The following GRTP1 variants were observed in gnomAD, a reference collection of about 807,000 sequenced individuals.
GRTP1 encodes the protein growth hormone-regulated TBC protein 1.
GRTP1 carries 56 observed loss-of-function variants against 38.1 expected under a neutral mutation model. That is an observed-to-expected ratio of 1.47 (90% CI 1.19 to 1.84). The LOEUF is 1.84. Ranked by LOEUF, GRTP1 falls within the 40% of genes most tolerant of loss-of-function variation. The pLI, the probability that GRTP1 is intolerant of heterozygous loss-of-function variation, is 0.00. For missense variants in GRTP1, 506 were observed against 453.9 expected (o/e 1.11, Z -1.04); for synonymous variants, 217 against 189.5 (o/e 1.14, Z -1.19).
chr13:113,356,466 C>T (rs1357978915), intron 2 of GRTP1, among the ~76,000 whole-genome samples: 1 of 152,088 alleles, frequency 6.6e-6, no homozygotes, highest in Non-Finnish European at 1.5e-5. Context: ...CAGGATTTCA[C>T]CATGTTGGCC....
Position 113,349,181 on chromosome 13 carries a change from T to A in GRTP1, c.465+1668A>T, listed in dbSNP as rs2043218934. On this transcript the variant is annotated intron_variant, in intron 4 of 7. Transcript: ENST00000375431. This position sits in a 1 kb window ranked among gnomAD's most constrained non-coding sequence, Gnocchi z 5.0. ...AGGGCCACCCAGGTGGGTGGTGTTT[T>A]TTTTTGTTTGTTTCTCGGTTTTTTT... 6.6e-6 allele frequency among the ~76,000 whole-genome samples: 1 copy of A among 151,192 alleles called. No homozygotes were observed. Among genetic ancestry groups the A allele is most frequent in the Non-Finnish European group, 1.5e-5 (1 of 67,720 alleles).
At chr13:113,333,842 T>TATTTA (rs1566418666) in intron 5 of GRTP1, among the ~76,000 whole-genome samples, 262 of 67,386 alleles carry the variant, frequency 3.9e-3, no homozygotes, top group African/African-American at 0.014. Flanking sequence ...TTATTTAGTG[T>TATTTA]GTGTGTGTGT....
chr13:113,332,159 C>A (rs998396574), intron 5 of GRTP1, among the ~76,000 whole-genome samples: 18 of 152,094 alleles, frequency 1.2e-4, no homozygotes, highest in African/African-American at 4.3e-4. Context: ...ACCCCCACAT[C>A]CCCATCAGAT....
At position 113,350,942 on chromosome 13, in the gene GRTP1, C is replaced by T; in HGVS notation, c.372G>A (p.Lys124=). 6.2e-7 allele frequency: 1 copy of T among 1,613,818 alleles called. No homozygotes were observed. Among genetic ancestry groups the T allele is most frequent in the Non-Finnish European group, 8.5e-7 (1 of 1,179,718 alleles). The change falls in exon 4 of 8, where the codon AAG becomes AAA. Residue 124 remains lysine, a synonymous_variant. Coordinates refer to ENST00000375431, the MANE Select transcript of GRTP1 (RefSeq NM_024719.4). The part of the protein sequence containing the change: ...DLNRTFPDNV[K]FRKTTDPCLQ... ...AGCAGGGGTCCGTGGTCTTCCGGAACTTCACGTTGTCGGGGAAGGTCCGGT... is the reference window on the plus strand; with the variant it reads ...AGCAGGGGTCCGTGGTCTTCCGGAATTTCACGTTGTCGGGGAAGGTCCGGT...
At chr13:113,353,493 A>G (rs1156566630) in intron 3 of GRTP1, among the ~76,000 whole-genome samples, 1 of 152,264 alleles carries the variant, frequency 6.6e-6, no homozygotes, top group Admixed American at 6.5e-5. Flanking sequence ...GGCGAGGGAA[A>G]GGACCCCAGC....
At chr13:113,325,534 C>T in intron 7 of GRTP1, 127 bp downstream of exon 7, 1 of 1,552,268 alleles carries the variant, frequency 6.4e-7, no homozygotes, top group Admixed American at 2.0e-5. Flanking sequence ...GAGCTGGAGG[C>T]TCATCCTGTG....
Position 113,326,017 on chromosome 13 carries a change from G to T in GRTP1, c.637C>A (p.Pro213Thr). ...CGCTCCATCAGGGCCCCCACAGCCG[G>T]CAGCTTCGCCCGCACCAGCTCCCCG... ...VLGELVRAKL[P>T]AVGALMERLG... Residue 213 changes from proline to threonine, a missense_variant, in exon 6 of 8, where the codon CCG (proline) becomes ACG (threonine). Pro to Thr is a conservative substitution (Grantham distance 38, BLOSUM62 -1). Transcript: ENST00000375431. The T allele has an allele frequency of 6.2e-7, 1 of 1,613,580 alleles. No individual in the cohort carries two copies. Among genetic ancestry groups the T allele is most frequent in the Non-Finnish European group, 8.5e-7 (1 of 1,179,942 alleles).
In GRTP1 at chr13:113,346,249, T is replaced by A. The variant is rs528489888; in HGVS notation, c.466-1290A>T. ...GAGAACAGACCCGGGAGGACCTCTG[T>A]GGCCGAGAGCAGATCCGGGAGGACC... On this transcript the variant is annotated intron_variant, in intron 4 of 7. Transcript: ENST00000375431. 8.2e-3 allele frequency among the ~76,000 whole-genome samples: 777 copies of A among 95,282 alleles called. 85 individuals carry two copies. Among genetic ancestry groups the A allele is most frequent in the Non-Finnish European group, 0.012 (540 of 44,392 alleles). The allele number at this position is 95,282 out of a possible 152,430, so 62.5% of individuals were successfully genotyped here.
At chr13:113,328,295 C>T (rs1390536112) in intron 5 of GRTP1, among the ~76,000 whole-genome samples, 2 of 152,222 alleles carry the variant, frequency 1.3e-5, no homozygotes, top group Admixed American at 6.5e-5. Context: ...CTCTGACACT[C>T]CCCTGCACAC....
Position 113,324,513 on chromosome 13 carries a change from C to G in GRTP1, c.986G>C (p.Arg329Thr), listed in dbSNP as rs913054933. 1 of 1,611,478 alleles carries G rather than the reference C, an allele frequency of 6.2e-7. No individual in the cohort carries two copies. Among genetic ancestry groups the G allele is most frequent in the Non-Finnish European group, 8.5e-7 (1 of 1,179,096 alleles). ...TCACCCCTGTGCCAGCAGCCGGGCCCTGCAGCTCTCGCGGAGCTTGGCGAC... is the reference window on the plus strand; with the variant it reads ...TCACCCCTGTGCCAGCAGCCGGGCCGTGCAGCTCTCGCGGAGCTTGGCGAC... ...ATVAKLRESC[R>T]ARLLAQG The change falls in exon 8 of 8, where the codon AGG becomes ACG. Residue 329 changes from arginine to threonine, a missense_variant. Physicochemically the swap from Arg to Thr is moderately conservative, Grantham distance 71. Coordinates refer to ENST00000375431, the MANE Select transcript of GRTP1 (RefSeq NM_024719.4).
intron 5 of GRTP1, among the ~76,000 whole-genome samples, chr13:113,330,623 C>T (rs1427331907): frequency 2.4e-3 from 82 of 34,776 alleles, no homozygotes; most frequent in East Asian, 5.8e-3. Flanking sequence ...CAGGTGTGTG[C>T]ATGGGAGCCC....
Position 113,344,908 on chromosome 13 carries a change from C to A in GRTP1, c.517G>T (p.Glu173Ter), listed in dbSNP as rs781518723. The A allele has an allele frequency of 6.2e-7, 1 of 1,603,960 alleles. No individual in the cohort carries two copies. The highest frequency in any genetic ancestry group is 1.7e-5 in the Admixed American group (1 of 57,684). Residue 173 changes from glutamate (E) to a stop codon, truncating the protein, a stop_gained, in exon 5 of 8, where the codon GAA becomes TAA. Coordinates refer to ENST00000375431, the MANE Select transcript of GRTP1 (RefSeq NM_024719.4). LOFTEE classifies it high-confidence loss of function. ...AGAGCATCTAACAGCCAAAAAGATT[C>A]TTCTTCATTATTTGTTATAAGAATC... ...YLILITNNEE[E>*]SFWLLDALVG...
Position 113,363,798 on chromosome 13 carries a change from G to A in GRTP1, c.145C>T (p.Leu49=), listed in dbSNP as rs780568965. 16 of 1,611,224 alleles carry A rather than the reference G, an allele frequency of 9.9e-6. No individual in the cohort carries two copies. The South Asian group carries it at 1.8e-4, about 18-fold the overall frequency. ...LTRRAIKWSR[L]LQGGGVPRSR... ...CTGGGGACGCCCCCGCCCTGCAGCA[G>A]CCGGGACCATTTGATCGCCCTGCGG... Residue 49 remains leucine (L), a synonymous_variant, in exon 2 of 8, where the codon CTG becomes TTG. Coordinates refer to ENST00000375431, the MANE Select transcript of GRTP1 (RefSeq NM_024719.4).
intron 5 of GRTP1, among the ~76,000 whole-genome samples, chr13:113,335,706 G>C (rs2042945698): frequency 6.6e-6 from 1 of 151,888 alleles, no homozygotes; most frequent in Non-Finnish European, 1.5e-5. Context: ...ATGTGGGTGG[G>C]AACATGTGAT....
chr13:113,324,752 C>T lies in GRTP1; in HGVS notation c.922-175G>A, dbSNP rs563403475. On this transcript the variant is annotated intron_variant, in intron 7 of 7. Coordinates refer to ENST00000375431, the MANE Select transcript of GRTP1 (RefSeq NM_024719.4). ...CACCATCTCACTCCTGCCCTGGGGCCTAGGACTGCAGCTTTGCTGCTCAGA... is the reference window on the plus strand; with the variant it reads ...CACCATCTCACTCCTGCCCTGGGGCTTAGGACTGCAGCTTTGCTGCTCAGA... The T allele has an allele frequency of 1.7e-5, 23 of 1,380,640 alleles. No individual in the cohort carries two copies. The South Asian group carries it at 2.9e-4, about 18-fold the overall frequency. The allele number at this position is 1,380,640 out of a possible 1,614,324, so 85.5% of individuals were successfully genotyped here.
chr13:113,326,795 G>A (rs918648149), intron 5 of GRTP1, among the ~76,000 whole-genome samples: 1 of 152,156 alleles, frequency 6.6e-6, no homozygotes, highest in African/African-American at 2.4e-5. Flanking sequence ...CGTGTCCGTC[G>A]GCAGACAAGT....
At chr13:113,361,020 G>A (rs572826029) in intron 2 of GRTP1, among the ~76,000 whole-genome samples, 1 of 150,242 alleles carries the variant, frequency 6.7e-6, no homozygotes, top group Non-Finnish European at 1.5e-5. Context: ...TGAGGCAGGA[G>A]AATTGCTTGA....
rs1278263724 is a variant in GRTP1 at position 113,348,834 on chromosome 13, C to T, written c.465+2015G>A. ...GCAGACGCCGCGACCTCACCTGCCC[C>T]GCAGATGCCGCGACCTCTGATGCAC... On this transcript the variant is annotated intron_variant, in intron 4 of 7. Transcript: ENST00000375431. This position sits in a 1 kb window ranked among gnomAD's most constrained non-coding sequence, Gnocchi z 4.8. Among the ~76,000 whole-genome samples the T allele has an allele frequency of 2.0e-5, 3 of 152,118 alleles. No homozygotes were observed. Among genetic ancestry groups the T allele is most frequent in the African/African-American group, 2.4e-5 (1 of 41,420 alleles).
In GRTP1 at chr13:113,342,781, C is replaced by T. The variant is rs1376401063; in HGVS notation, c.562+2082G>A. On this transcript the variant is annotated intron_variant, in intron 5 of 7. Coordinates refer to ENST00000375431, the MANE Select transcript of GRTP1 (RefSeq NM_024719.4). The surrounding 1 kb of genome is among the most constrained non-coding windows in gnomAD (Gnocchi z 4.5). ...CCGGGATCGGAATAACCCCCTTTTC[C>T]TCCCATGATCCTAACAGTTTAGTTT... Among the ~76,000 whole-genome samples the T allele has an allele frequency of 6.6e-6, 1 of 152,188 alleles. No homozygotes were observed. The highest frequency in any genetic ancestry group is 2.4e-5 in the African/African-American group (1 of 41,450).
Sources: gnomAD v4.1 joint callset for allele counts (sites outside exome capture counted in the v4.1 genomes callset) on GRCh38, gnomAD v4.1.1 for gene constraint, Gnocchi (gnomAD v3.1) non-coding constraint, MANE v1.5 for transcripts, NCBI Gene and HGNC (gene_info 2026-07-23, HGNC 2026-07-21) for gene names.